The following DMD variants were observed in gnomAD, a reference collection of about 807,000 sequenced individuals.
DMD encodes the protein mutant dystrophin.
DMD carries 63 observed loss-of-function variants against 330.1 expected under a neutral mutation model. The observed-to-expected ratio is 0.19, with a 90% CI of 0.16 to 0.24. The LOEUF (loss-of-function observed/expected upper bound fraction) is 0.24. DMD is among the 10% of genes least tolerant of loss of function. The probability of loss-of-function intolerance (pLI) is 1.00; values close to 1 mark genes in which losing one functional copy is unlikely to be tolerated. For synonymous variants in DMD, 1,223 were observed against 959.8 expected (o/e 1.27, Z -5.07); for missense variants, 3,344 against 2,684.1 (o/e 1.25, Z -5.43).
At chrX:31,281,602 C>T (rs1277505751) in intron 62 of DMD, among the ~76,000 whole-genome samples, 1 of 111,663 alleles carries the variant, frequency 9.0e-6, no homozygotes, top group Non-Finnish European at 1.9e-5. Context: ...TATATGACAT[C>T]ACCAATCCCT....
At chrX:31,540,929 G>C (rs191599886) in intron 55 of DMD, among the ~76,000 whole-genome samples, 1 of 112,407 alleles carries the variant, frequency 8.9e-6, no homozygotes, top group Admixed American at 9.5e-5. Flanking sequence ...GAAGTAAGAG[G>C]AATATCATTT....
intron 9 of DMD, among the ~76,000 whole-genome samples, chrX:32,669,938 C>T (rs775670771): frequency 9.0e-6 from 1 of 111,416 alleles, no homozygotes; most frequent in Non-Finnish European, 1.9e-5. Flanking sequence ...AACCATATGC[C>T]CTACACACGA....
intron 55 of DMD, among the ~76,000 whole-genome samples, chrX:31,590,947 T>C (rs999458621): frequency 2.7e-5 from 3 of 111,490 alleles, no homozygotes; most frequent in African/African-American, 9.8e-5. Flanking sequence ...TCTTTTCCTT[T>C]TGGTTTAATG....
chrX:31,382,984 GC>G (rs1304563252), intron 60 of DMD, among the ~76,000 whole-genome samples: 11 of 112,119 alleles, frequency 9.8e-5, no homozygotes, highest in African/African-American at 3.6e-4. Flanking sequence ...CATCCAGATG[GC>G]CTGAAGTAAC....
intron 44 of DMD, among the ~76,000 whole-genome samples, chrX:32,179,937 G>T: frequency 8.9e-6 from 1 of 112,117 alleles, no homozygotes. Flanking sequence ...GAGACTGTGA[G>T]TCCATTAAGC....
intron 71 of DMD, among the ~76,000 whole-genome samples, chrX:31,175,563 G>A (rs920528297): frequency 9.0e-6 from 1 of 110,751 alleles, no homozygotes; most frequent in East Asian, 2.8e-4. Context: ...GGTCAGAGAT[G>A]AATCATTTAA....
At position 31,774,050 on chromosome X, in the gene DMD, G is replaced by T; in HGVS notation, c.7452C>A (p.Asp2484Glu). The T allele has an allele frequency of 8.3e-7, 1 of 1,210,771 alleles. No individual in the cohort carries two copies. The highest frequency in any genetic ancestry group is 1.1e-6 in the Non-Finnish European group (1 of 895,297). Residue 2484 changes from aspartate to glutamate, a missense_variant, in exon 51 of 79, where the codon GAC becomes GAA. Asp to Glu is a conservative substitution (Grantham distance 45). Coordinates refer to ENST00000357033, the MANE Select transcript of DMD (RefSeq NM_004006.3). ...DFNRAWTELTDWLSLLDQVIK... is the reference protein window; with the variant it reads ...DFNRAWTELTEWLSLLDQVIK... ...TAACTTGATCAAGCAGAGAAAGCCA[G>T]TCGGTAAGTTCTGTCCAAGCCCGGT...
intron 60 of DMD, among the ~76,000 whole-genome samples, chrX:31,406,155 A>G (rs769116728): frequency 8.9e-6 from 1 of 112,059 alleles, no homozygotes; most frequent in Non-Finnish European, 1.9e-5. Flanking sequence ...TGAATATCTA[A>G]GTGCAATGTA....
chrX:31,851,346 G>A (rs1224715756), intron 48 of DMD, among the ~76,000 whole-genome samples: 1 of 111,268 alleles, frequency 9.0e-6, no homozygotes, highest in Non-Finnish European at 1.9e-5. Flanking sequence ...AATATACAAA[G>A]CATAATGCAG....
chrX:31,307,849 A>G (rs1188077250), intron 62 of DMD, among the ~76,000 whole-genome samples: 2 of 111,602 alleles, frequency 1.8e-5, no homozygotes, highest in African/African-American at 6.5e-5. Context: ...ACTTTTTTCA[A>G]GATCTATTAA....
chrX:31,309,834 T>C (rs1211162363), intron 62 of DMD, among the ~76,000 whole-genome samples: 1 of 112,263 alleles, frequency 8.9e-6, no homozygotes, highest in Non-Finnish European at 1.9e-5. Context: ...AAGTTTTCCA[T>C]TTTATAATCT....
At chrX:33,081,017 T>C (rs1391207975) in intron 1 of DMD, among the ~76,000 whole-genome samples, 3 of 89,716 alleles carry the variant, frequency 3.3e-5, no homozygotes, top group East Asian at 2.9e-4. Context: ...CAAAAACACA[T>C]GTAAATACAG....
intron 49 of DMD, among the ~76,000 whole-genome samples, chrX:31,835,954 G>A (rs1321951970): frequency 9.0e-6 from 1 of 111,619 alleles, no homozygotes; most frequent in Non-Finnish European, 1.9e-5. Context: ...ATCATAATGG[G>A]AGCCATTATA....
At chrX:31,261,140 T>C in intron 62 of DMD, 124 bp from the exon 63 acceptor site, 1 of 588,827 alleles carries the variant, frequency 1.7e-6, no homozygotes, top group Non-Finnish European at 2.8e-6. Context: ...AATCTTTATT[T>C]CAAAGCGCTT....
At chrX:33,033,500 G>A (rs1404802925) in intron 1 of DMD, among the ~76,000 whole-genome samples, 1 of 104,695 alleles carries the variant, frequency 9.6e-6, no homozygotes, top group Non-Finnish European at 1.9e-5. Context: ...CACAAGGTCA[G>A]GAGATCGAGA....
intron 5 of DMD, among the ~76,000 whole-genome samples, chrX:32,818,292 C>A (rs747459217): frequency 8.9e-6 from 1 of 111,890 alleles, no homozygotes; most frequent in Non-Finnish European, 1.9e-5. Context: ...ATCCAAAACT[C>A]CTTTATAGCA....
intron 2 of DMD, among the ~76,000 whole-genome samples, chrX:32,993,623 T>A (rs1057172942): frequency 1.8e-5 from 2 of 108,251 alleles, no homozygotes; most frequent in African/African-American, 6.7e-5. Context: ...AAAAAACAAA[T>A]AGAAAAGAAT....
chrX:32,470,945 TAAAAAGTTATTGAACATATA>T (rs1186255907), intron 22 of DMD, among the ~76,000 whole-genome samples: 8 of 111,780 alleles, frequency 7.2e-5, no homozygotes, highest in Non-Finnish European at 1.5e-4. Flanking sequence ...TCTTCAGAAA[TAAAAAGTTATTGAACATATA>T]ATGTAGTATT....
intron 59 of DMD, among the ~76,000 whole-genome samples, chrX:31,473,835 A>C (rs777174737): frequency 2.7e-5 from 3 of 111,582 alleles, no homozygotes; most frequent in African/African-American, 9.8e-5. Flanking sequence ...TAAAGCCTTT[A>C]TATATTCCAC....
Sources: gnomAD v4.1 joint callset for allele counts (sites outside exome capture counted in the v4.1 genomes callset) on GRCh38, gnomAD v4.1.1 for gene constraint, MANE v1.5 for transcripts, NCBI Gene and HGNC (gene_info 2026-07-23, HGNC 2026-07-21) for gene names.